Variants in EPHA6 observed in about 807,000 individuals in gnomAD.
The protein encoded by EPHA6 is EPH receptor A6, also known as ephrin type-A receptor 6.
A neutral mutation model predicts 112.0 loss-of-function variants in EPHA6; 50 were observed. The ratio of observed to expected loss-of-function variants is 0.45; its 90% confidence interval spans 0.36 to 0.56. EPHA6 has a LOEUF of 0.56. Among genes scored for constraint, EPHA6 ranks in the 20% least tolerant of loss-of-function variants. EPHA6 has a pLI of 0.00. For missense variants in EPHA6, 1,280 were observed against 1,417.4 expected, an observed-to-expected ratio of 0.90 and a Z score of 1.56; for synonymous variants, 529 against 490.7, an observed-to-expected ratio of 1.08 and a Z score of -1.03.
chr3:96,852,559 G>A (rs2035455558), intron 1 of EPHA6, among the ~76,000 whole-genome samples: 2 of 145,438 alleles, frequency 1.4e-5, no homozygotes, highest in Non-Finnish European at 3.0e-5. Context: ...TTTCAGAATT[G>A]TACATAGTAC....
intron 15 of EPHA6, among the ~76,000 whole-genome samples, chr3:97,723,312 C>A (rs1208781572): frequency 6.6e-6 from 1 of 152,140 alleles, no homozygotes; most frequent in African/African-American, 2.4e-5. Context: ...CTAAAGCAGT[C>A]CAAACCCTGT....
chr3:97,239,763 G>A (rs1210140881), intron 4 of EPHA6, among the ~76,000 whole-genome samples: 1 of 151,662 alleles, frequency 6.6e-6, no homozygotes, highest in Non-Finnish European at 1.5e-5. Flanking sequence ...AGGGGAGGCA[G>A]GAGAAGCAGG....
intron 3 of EPHA6, among the ~76,000 whole-genome samples, chr3:97,180,829 C>T (rs1329382856): frequency 6.6e-6 from 1 of 152,038 alleles, no homozygotes; most frequent in East Asian, 1.9e-4. Context: ...TTAGGGGAGG[C>T]TTGATGCCAG....
intron 3 of EPHA6, among the ~76,000 whole-genome samples, chr3:97,074,191 T>C (rs1346525016): frequency 6.6e-6 from 1 of 152,160 alleles, no homozygotes; most frequent in East Asian, 1.9e-4. Context: ...AATTGTTTCA[T>C]TTTTTAGTCT....
chr3:97,481,674 G>A (rs1212952207), intron 9 of EPHA6, among the ~76,000 whole-genome samples: 19 of 141,384 alleles, frequency 1.3e-4, no homozygotes, highest in African/African-American at 5.1e-4. Flanking sequence ...ACGGCCGCCC[G>A]GCCCCGCCCC....
chr3:96,900,798 G>A (rs540371040), intron 2 of EPHA6, among the ~76,000 whole-genome samples: 2 of 152,212 alleles, frequency 1.3e-5, no homozygotes, highest in African/African-American at 4.8e-5. Flanking sequence ...AGAATTGCTT[G>A]TTATGAGGAG....
In EPHA6 at chr3:97,720,275, C is replaced by T. The variant is rs2034468027; in HGVS notation, c.2799C>T (p.Pro933=). 6.3e-7 allele frequency: 1 copy of T among 1,593,996 alleles called. No homozygotes were observed. The highest frequency in any genetic ancestry group is 8.5e-7 in the Non-Finnish European group (1 of 1,171,730). The change falls in exon 15 of 18, where the codon CCC becomes CCT. Residue 933 remains proline (P), a synonymous_variant. Transcript: ENST00000389672. The part of the protein sequence containing the change: ...AAYTTTGGKI[P]IRWTAPEAIA... Reference sequence around the variant, plus strand: ...TTGTTTTCCAGGGTGGAAAAATCCCCATAAGGTGGACAGCCCCAGAAGCCA... The same window carrying T: ...TTGTTTTCCAGGGTGGAAAAATCCCTATAAGGTGGACAGCCCCAGAAGCCA...
At chr3:97,205,557 A>G (rs978995630) in intron 3 of EPHA6, among the ~76,000 whole-genome samples, 12 of 152,032 alleles carry the variant, frequency 7.9e-5, no homozygotes, top group Non-Finnish European at 1.5e-5. Flanking sequence ...GGAATGGGAA[A>G]CCTATGTAAA....
intron 3 of EPHA6, among the ~76,000 whole-genome samples, chr3:97,172,694 A>T (rs1464404296): frequency 2.0e-5 from 3 of 151,932 alleles, no homozygotes; most frequent in Non-Finnish European, 2.9e-5. Context: ...TGATCATAAC[A>T]TTCCAAAAGT....
At chr3:97,021,268 T>C (rs2044448901) in intron 3 of EPHA6, among the ~76,000 whole-genome samples, 1 of 152,188 alleles carries the variant, frequency 6.6e-6, no homozygotes, top group African/African-American at 2.4e-5. Context: ...ATCTTTCTTT[T>C]GCTTCGTTTT....
At chr3:96,828,586 G>A (rs1030383469) in intron 1 of EPHA6, among the ~76,000 whole-genome samples, 1 of 152,098 alleles carries the variant, frequency 6.6e-6, no homozygotes, top group Non-Finnish European at 1.5e-5. Flanking sequence ...CCTGTCCTTT[G>A]TTCCTGGAAA....
At chr3:97,488,260 C>T (rs2091748932) in intron 10 of EPHA6, among the ~76,000 whole-genome samples, 3 of 152,248 alleles carry the variant, frequency 2.0e-5, no homozygotes, top group Admixed American at 6.5e-5. Context: ...TCTCTTCTGG[C>T]TTAGAGTCAC....
At chr3:97,122,072 C>T (rs7619077) in intron 3 of EPHA6, among the ~76,000 whole-genome samples, 13,084 of 151,974 alleles carry the variant, frequency 0.086, 896 homozygotes, top group Admixed American at 0.22. Flanking sequence ...TGTTTACATA[C>T]GTGCCCTCAA....
chr3:97,015,480 TCAAA>T (rs1441095967), intron 3 of EPHA6, among the ~76,000 whole-genome samples: 2 of 152,144 alleles, frequency 1.3e-5, no homozygotes, highest in Admixed American at 6.6e-5. Context: ...CTTTTCAATG[TCAAA>T]CTAAATATGC....
intron 5 of EPHA6, among the ~76,000 whole-genome samples, chr3:97,337,816 A>G (rs2083128545): frequency 6.6e-6 from 1 of 152,202 alleles, no homozygotes; most frequent in Non-Finnish European, 1.5e-5. Flanking sequence ...AAACTATTAG[A>G]TTTATCACAG....
At chr3:97,487,030 C>T (rs1262075103) in intron 10 of EPHA6, among the ~76,000 whole-genome samples, 3 of 152,050 alleles carry the variant, frequency 2.0e-5, no homozygotes. Flanking sequence ...AATTAAGTGA[C>T]TTAAGTGGTA....
In EPHA6 at chr3:97,589,227, ATTC is replaced by A. The variant is rs1282315482; in HGVS notation, c.2387-3377_2387-3375del. ...TGTATTTTATGTGTGGCCCAAGACA[ATTC>A]TTCTTCTAATGTGCCCCATAGTAGC... On this transcript the variant is annotated intron_variant, in intron 11 of 17. Coordinates refer to ENST00000389672, the MANE Select transcript of EPHA6 (RefSeq NM_001080448.3). 8.6e-5 allele frequency among the ~76,000 whole-genome samples: 13 copies of A among 151,252 alleles called. No homozygotes were observed. In the East Asian group the frequency reaches 2.1e-3, roughly 25 times the overall value.
At chr3:97,305,593 T>C (rs746399400) in intron 5 of EPHA6, among the ~76,000 whole-genome samples, 2 of 151,966 alleles carry the variant, frequency 1.3e-5, no homozygotes, top group Non-Finnish European at 2.9e-5. Context: ...TGGAAGCCTT[T>C]ATCCTCAGCA....
chr3:97,606,475 A>G (rs113758150), intron 12 of EPHA6, among the ~76,000 whole-genome samples: 6,063 of 151,364 alleles, frequency 0.04, 182 homozygotes, highest in Middle Eastern at 0.055. Context: ...GAGGAGTCCA[A>G]TGTCACAAAA....
Sources: allele counts gnomAD v4.1 joint callset (sites outside exome capture counted in the v4.1 genomes callset), GRCh38; gene constraint gnomAD v4.1.1; transcripts MANE v1.5; gene names NCBI Gene and HGNC (gene_info 2026-07-23, HGNC 2026-07-21).